The following FUBP1 variants were observed in gnomAD, a reference collection of about 807,000 sequenced individuals.
FUBP1 encodes the protein far upstream element-binding protein 1.
FUBP1 carries 16 observed loss-of-function variants against 94.9 expected under a neutral mutation model. That is an observed-to-expected ratio of 0.17 (90% CI 0.11 to 0.26). FUBP1 has a LOEUF of 0.26. FUBP1 is among the 10% of genes least tolerant of loss of function. FUBP1 has a pLI of 1.00. For missense variants in FUBP1, 583 were observed against 808.6 expected (o/e 0.72, Z 3.38); for synonymous variants, 279 against 254.9 (o/e 1.09, Z -0.90).
chr1:77,948,625 CA>C lies in FUBP1; in HGVS notation c.*140del, dbSNP rs60897865. The C allele has an allele frequency of 0.17, 162,820 of 938,976 alleles. 130 individuals carry two copies. Among genetic ancestry groups the C allele is most frequent in the African/African-American group, 0.19 (7,784 of 41,730 alleles). 58.2% of individuals were successfully genotyped at this position (938,976 alleles called of 1,614,324 possible). ...TAGTGATAGATATTTTGTACATTTT[CA>C]AAAAAAAAAAAAAAAAAGGAAACAC... is the stretch of plus-strand genomic sequence containing the variant. On this transcript the variant is annotated 3_prime_UTR_variant, in exon 20 of 20. Coordinates refer to ENST00000370768, the MANE Select transcript of FUBP1 (RefSeq NM_003902.5).
At chr1:77,960,968 A>T (rs1317255420) in intron 14 of FUBP1, among the ~76,000 whole-genome samples, 1 of 152,176 alleles carries the variant, frequency 6.6e-6, no homozygotes, top group Non-Finnish European at 1.5e-5. Context: ...TGATAACGTT[A>T]ATAGCTAGTT....
In FUBP1 at chr1:77,964,054, T is replaced by C. The variant is rs779682072; in HGVS notation, c.1041+8A>G. The C allele has an allele frequency of 3.4e-6, 5 of 1,473,394 alleles. No homozygotes were observed. The highest frequency in any genetic ancestry group is 3.8e-6 in the Non-Finnish European group (4 of 1,052,312). The allele number at this position is 1,473,394 out of a possible 1,614,324, so 91.3% of individuals were successfully genotyped here. A position where few individuals can be genotyped will look rare whatever the true frequency, so the allele number is the denominator to read the frequency against. ...ACAAAAAATGAAAATGTTAACTTTC[T>C]ATCAAACCTGAACACTTCGAAGAAG... On this transcript the variant is annotated splice_region_variant and intron_variant, in intron 12 of 19. Coordinates refer to ENST00000370768, the MANE Select transcript of FUBP1 (RefSeq NM_003902.5).
chr1:77,979,080 C>CAGCCG, upstream of FUBP1: 1 of 1,396,520 alleles, frequency 7.2e-7, no homozygotes, highest in Non-Finnish European at 9.6e-7. Flanking sequence ...AAGAAAATGG[C>CAGCCG]GGCCGTCGAA....
chr1:77,975,161 TAC>T (rs1485746029), intron 1 of FUBP1, among the ~76,000 whole-genome samples: 2 of 152,214 alleles, frequency 1.3e-5, no homozygotes, highest in African/African-American at 4.8e-5. Context: ...AGCCCACAGA[TAC>T]AGAGGTCTGA....
chr1:77,966,602 T>C (rs1656546264), intron 7 of FUBP1, 92 bp downstream of exon 7: 4 of 744,362 alleles, frequency 5.4e-6, no homozygotes, highest in East Asian at 2.4e-5. Flanking sequence ...GAAACCACAG[T>C]GTAAAATAAA....
chr1:77,977,230 G>C (rs1054101767), intron 1 of FUBP1, among the ~76,000 whole-genome samples: 2 of 152,170 alleles, frequency 1.3e-5, no homozygotes, highest in South Asian at 4.1e-4. Flanking sequence ...AAACAAGGCC[G>C]GGCGCAGCGG....
intron 1 of FUBP1, among the ~76,000 whole-genome samples, 179 bp downstream of exon 1, chr1:77,978,706 C>T (rs1659242372): frequency 6.6e-6 from 1 of 152,216 alleles, no homozygotes; most frequent in South Asian, 2.1e-4. Flanking sequence ...GCACCAAGAA[C>T]ACAAAACTGG....
chr1:77,967,528 T>G lies in FUBP1; in HGVS notation c.290+99A>C, dbSNP rs1034935050. ...GATATGAACTAGGTACACCAAAAAATACACAGACACATATTCAATATACAC... is the reference window on the plus strand; with the variant it reads ...GATATGAACTAGGTACACCAAAAAAGACACAGACACATATTCAATATACAC... On this transcript the variant is annotated intron_variant, in intron 4 of 19. Transcript: ENST00000370768. The G allele has an allele frequency of 6.9e-6, 6 of 867,784 alleles. No individual in the cohort carries two copies. The African/African-American group carries it at 8.4e-5, about 12-fold the overall frequency. 53.8% of individuals were successfully genotyped at this position (867,784 alleles called of 1,614,324 possible).
chr1:77,967,924 G>C (rs1185618248), intron 3 of FUBP1, among the ~76,000 whole-genome samples: 1 of 152,082 alleles, frequency 6.6e-6, no homozygotes, highest in East Asian at 1.9e-4. Context: ...TATAGATCAA[G>C]AATTGGAGTT....
At chr1:77,963,295 A>G (rs1655860767) in intron 13 of FUBP1, among the ~76,000 whole-genome samples, 1 of 152,190 alleles carries the variant, frequency 6.6e-6, no homozygotes, top group African/African-American at 2.4e-5. Context: ...CACAAACAAA[A>G]ACACTCAAAC....
At chr1:77,952,261 T>C (rs181845216) in intron 18 of FUBP1, among the ~76,000 whole-genome samples, 2 of 151,192 alleles carry the variant, frequency 1.3e-5, no homozygotes, top group African/African-American at 4.9e-5. Context: ...TAAAAAAAAA[T>C]AAAATAAAAA....
At chr1:77,957,523 C>G (rs1360157836) in intron 16 of FUBP1, among the ~76,000 whole-genome samples, 1 of 152,150 alleles carries the variant, frequency 6.6e-6, no homozygotes, top group Non-Finnish European at 1.5e-5. Flanking sequence ...CAGTTTGAGA[C>G]CTTTCAATCT....
chr1:77,954,703 G>GT (rs1384270900), intron 18 of FUBP1, among the ~76,000 whole-genome samples: 8 of 152,142 alleles, frequency 5.3e-5, no homozygotes, highest in Non-Finnish European at 1.0e-4. Context: ...TCTAGCTGTG[G>GT]TATGTAATAA....
chr1:77,978,674 G>A (rs991579260), intron 1 of FUBP1, among the ~76,000 whole-genome samples: 2 of 152,206 alleles, frequency 1.3e-5, no homozygotes, highest in Non-Finnish European at 2.9e-5. Flanking sequence ...CGTAGCACGC[G>A]TCGGGGTTCT....
rs1656612231 is a variant in FUBP1, at chr1:77,966,911, A to T, written c.388T>A (p.Ser130Thr). The T allele has an allele frequency of 6.2e-7, 1 of 1,603,900 alleles. No individual in the cohort carries two copies. Among genetic ancestry groups the T allele is most frequent in the Non-Finnish European group, 8.5e-7 (1 of 1,171,258 alleles). ...GEQISRIQQESGCKIQIAPDS... is the reference protein window; with the variant it reads ...GEQISRIQQETGCKIQIAPDS... ...GGAGCTATCTGTATTTTGCATCCAGATTCCTGTTGTATGCGTGAGATCTGT... is the reference window on the plus strand; with the variant it reads ...GGAGCTATCTGTATTTTGCATCCAGTTTCCTGTTGTATGCGTGAGATCTGT... The change falls in exon 6 of 20, where the codon TCT becomes ACT. Residue 130 changes from serine to threonine, a missense_variant. Transcript: ENST00000370768.
At chr1:77,979,100 C>T (rs1280860578), upstream of FUBP1, 2 of 1,236,262 alleles carry the variant, frequency 1.6e-6, no homozygotes, top group Non-Finnish European at 1.1e-6. Context: ...AGCTCTATTA[C>T]ATTCTTGCGC....
chr1:77,973,818 C>T (rs967897969), intron 1 of FUBP1, among the ~76,000 whole-genome samples: 2 of 152,070 alleles, frequency 1.3e-5, no homozygotes, highest in African/African-American at 4.8e-5. Flanking sequence ...GGGAGGGTCC[C>T]CTCATTCATA....
chr1:77,963,433 C>T, intron 13 of FUBP1, 141 bp downstream of exon 13: 1 of 529,970 alleles, frequency 1.9e-6, no homozygotes, highest in Non-Finnish European at 3.4e-6. Context: ...TTATGTTTTA[C>T]TTGTTACATA....
chr1:77,978,402 A>C (rs1181989858), intron 1 of FUBP1, among the ~76,000 whole-genome samples: 1 of 152,244 alleles, frequency 6.6e-6, no homozygotes, highest in Non-Finnish European at 1.5e-5. Context: ...TAGAGGTGTG[A>C]CGGTGAATGG....
Sources: allele counts gnomAD v4.1 joint callset (sites outside exome capture counted in the v4.1 genomes callset), GRCh38; gene constraint gnomAD v4.1.1; transcripts MANE v1.5; gene names NCBI Gene and HGNC (gene_info 2026-07-23, HGNC 2026-07-21).